The following VPS13B variants were observed in gnomAD, a reference collection of about 807,000 sequenced individuals.
VPS13B encodes vacuolar protein sorting 13 homolog B, also known as intermembrane lipid transfer protein VPS13B.
A neutral mutation model predicts 426.4 loss-of-function variants in VPS13B; 285 were observed. The observed-to-expected ratio is 0.67, with a 90% CI of 0.61 to 0.74. The LOEUF (loss-of-function observed/expected upper bound fraction) is 0.74. Ranked by LOEUF, VPS13B falls within the 30% of genes least tolerant of loss-of-function variation. The probability of loss-of-function intolerance (pLI) is 0.00; values close to 1 mark genes in which losing one functional copy is unlikely to be tolerated. For synonymous variants in VPS13B, 1,676 were observed against 1,676.4 expected, an observed-to-expected ratio of 1.00 and a Z score of 0.01; for missense variants, 4,537 against 4,782.6, an observed-to-expected ratio of 0.95 and a Z score of 1.51.
chr8:99,501,896 GTCCCTCCC>G lies in VPS13B; in HGVS notation c.4042+64_4042+71del, dbSNP rs554230536. On this transcript the variant is annotated intron_variant, in intron 26 of 61. Transcript: ENST00000357162. ...TTTTCTTTCTTCCCTCCCTCCCTCT[GTCCCTCCC>G]TCCCTCCCTCCCTCCCTCCCTCCCT... is the stretch of plus-strand genomic sequence containing the variant. 637 of 1,389,360 alleles carry G rather than the reference GTCCCTCCC, an allele frequency of 4.6e-4. 2 individuals are homozygous for G. Among genetic ancestry groups the G allele is most frequent in the East Asian group, 4.3e-3 (174 of 40,180 alleles). The allele number at this position is 1,389,360 out of a possible 1,614,324, so 86.1% of individuals were successfully genotyped here. A position where few individuals can be genotyped will look rare whatever the true frequency, so the allele number is the denominator to read the frequency against.
At chr8:99,599,690 A>G (rs1827193244) in intron 33 of VPS13B, among the ~76,000 whole-genome samples, 1 of 152,116 alleles carries the variant, frequency 6.6e-6, no homozygotes, top group Non-Finnish European at 1.5e-5. Context: ...ACATTTTTAG[A>G]TTGCTTATTT....
At chr8:99,677,636 A>G (rs1830994259) in intron 35 of VPS13B, among the ~76,000 whole-genome samples, 2 of 152,226 alleles carry the variant, frequency 1.3e-5, no homozygotes. Flanking sequence ...TGGCTAAGTA[A>G]TAGACCTCAA....
chr8:99,121,104 A>T, intron 7 of VPS13B, 73 bp from the exon 8 acceptor site: 1 of 1,457,824 alleles, frequency 6.9e-7, no homozygotes, highest in Non-Finnish European at 9.3e-7. Context: ...GAAAAATTTT[A>T]AAGGATGTCT....
chr8:99,616,348 A>T (rs1828084869), intron 33 of VPS13B, among the ~76,000 whole-genome samples: 1 of 152,170 alleles, frequency 6.6e-6, no homozygotes, highest in African/African-American at 2.4e-5. Flanking sequence ...TGAGTAATAG[A>T]TGTATAAAGA....
intron 13 of VPS13B, among the ~76,000 whole-genome samples, chr8:99,144,554 A>G (rs1403728822): frequency 1.3e-5 from 2 of 152,026 alleles, no homozygotes; most frequent in Non-Finnish European, 2.9e-5. Context: ...TGTCCCAGCA[A>G]CTTTACTGTT....
intron 21 of VPS13B, among the ~76,000 whole-genome samples, chr8:99,430,714 A>C (rs1214519091): frequency 1.5e-5 from 2 of 134,594 alleles, no homozygotes; most frequent in African/African-American, 3.0e-5. Flanking sequence ...CCCCCCCCCA[A>C]CTTTTTTTTT....
chr8:99,591,482 G>A (rs1826671551), intron 33 of VPS13B, among the ~76,000 whole-genome samples: 1 of 152,078 alleles, frequency 6.6e-6, no homozygotes, highest in African/African-American at 2.4e-5. Context: ...TTTCATGGTG[G>A]CTGGTACCAG....
chr8:99,327,612 G>A (rs1810343681), intron 19 of VPS13B, among the ~76,000 whole-genome samples: 1 of 152,086 alleles, frequency 6.6e-6, no homozygotes, highest in Non-Finnish European at 1.5e-5. Context: ...AACACACTTC[G>A]GATACTGTAT....
chr8:99,748,013 G>C (rs1170266718), intron 39 of VPS13B, among the ~76,000 whole-genome samples: 2 of 151,846 alleles, frequency 1.3e-5, no homozygotes, highest in African/African-American at 4.8e-5. Flanking sequence ...CAATTTTTTA[G>C]TTTTCTGTTT....
chr8:99,701,774 G>A (rs1011189901), intron 36 of VPS13B, among the ~76,000 whole-genome samples: 1 of 152,076 alleles, frequency 6.6e-6, no homozygotes, highest in Non-Finnish European at 1.5e-5. Context: ...ATTTTGTTAT[G>A]AGACTATAAT....
At chr8:99,278,473 A>C (rs940193130) in intron 19 of VPS13B, among the ~76,000 whole-genome samples, 2 of 152,220 alleles carry the variant, frequency 1.3e-5, no homozygotes, top group African/African-American at 2.4e-5. Flanking sequence ...ATTTGCTTAC[A>C]AATCAAAACT....
chr8:99,642,295 C>A lies in VPS13B; in HGVS notation c.5705C>A (p.Ser1902Ter), dbSNP rs1829401940. 2 of 1,614,006 alleles carry A rather than the reference C, an allele frequency of 1.2e-6. No homozygotes were observed. Among genetic ancestry groups the A allele is most frequent in the African/African-American group, 1.3e-5 (1 of 74,920 alleles). Reference protein sequence around the residue: ...SLESLHASTRSSARQALGITI... With the variant: ...SLESLHASTR ...GAAAGTCTTCATGCATCCACAAGGT[C>A]ATCTGCTAGACAAGCACTTGGTATA... The change falls in exon 34 of 62, where the codon TCA (serine) becomes TAA (stop). Residue 1902 changes from serine to a stop codon, truncating the protein, a stop_gained. Coordinates refer to ENST00000357162, the MANE Select transcript of VPS13B (RefSeq NM_152564.5). LOFTEE classifies it high-confidence loss of function.
intron 25 of VPS13B, among the ~76,000 whole-genome samples, chr8:99,489,601 A>C (rs924267960): frequency 1.3e-5 from 2 of 152,054 alleles, no homozygotes; most frequent in Admixed American, 6.6e-5. Flanking sequence ...TGTAGTTCTC[A>C]TTGAAGAGGT....
At chr8:99,340,121 C>G (rs1288288940) in intron 19 of VPS13B, among the ~76,000 whole-genome samples, 1 of 152,114 alleles carries the variant, frequency 6.6e-6, no homozygotes, top group Non-Finnish European at 1.5e-5. Flanking sequence ...GGAAGTAATT[C>G]CTAACAGAAT....
intron 15 of VPS13B, among the ~76,000 whole-genome samples, chr8:99,157,017 G>A (rs1465252911): frequency 6.6e-6 from 1 of 152,026 alleles, no homozygotes; most frequent in Non-Finnish European, 1.5e-5. Flanking sequence ...ATCATTGATG[G>A]TAATTTTTAT....
chr8:99,282,773 A>G (rs1190305821), intron 19 of VPS13B, among the ~76,000 whole-genome samples: 1 of 152,224 alleles, frequency 6.6e-6, no homozygotes, highest in African/African-American at 2.4e-5. Flanking sequence ...ACGTATCTTT[A>G]AATGTAATGC....
intron 47 of VPS13B, 95 bp downstream of exon 47, chr8:99,818,983 G>GGGGGGGGGT: frequency 7.8e-6 from 3 of 384,876 alleles, no homozygotes; most frequent in Non-Finnish European, 1.6e-5. Context: ...GGAGGGGTGG[G>GGGGGGGGGT]TAGGGAGATG....
chr8:99,658,273 G>C (rs1830093773), intron 34 of VPS13B, among the ~76,000 whole-genome samples: 1 of 152,150 alleles, frequency 6.6e-6, no homozygotes, highest in Non-Finnish European at 1.5e-5. Flanking sequence ...CTCTTCACGT[G>C]AGGAAGGCTT....
intron 17 of VPS13B, among the ~76,000 whole-genome samples, chr8:99,215,666 A>G (rs1815351040): frequency 6.6e-6 from 1 of 152,142 alleles, no homozygotes; most frequent in Admixed American, 6.5e-5. Context: ...ACAAAAAAAT[A>G]CACTAATATG....
Sources: gnomAD v4.1 joint callset for allele counts (sites outside exome capture counted in the v4.1 genomes callset) on GRCh38, gnomAD v4.1.1 for gene constraint, MANE v1.5 for transcripts, NCBI Gene and HGNC (gene_info 2026-07-23, HGNC 2026-07-21) for gene names.